Variants in C10orf67 observed in about 807,000 individuals in gnomAD.
C10orf67 encodes uncharacterized protein C10orf67, mitochondrial.
A neutral mutation model predicts 35.6 loss-of-function variants in C10orf67; 60 were observed. The ratio of observed to expected loss-of-function variants is 1.68; its 90% CI spans 1.37 to 2.09. The LOEUF is 2.09. C10orf67 is among the 30% of genes most tolerant of loss of function. The probability of loss-of-function intolerance (pLI) is 0.00; values close to 1 mark genes in which losing one functional copy is unlikely to be tolerated. For missense variants in C10orf67, 474 were observed against 330.2 expected, an observed-to-expected ratio of 1.44 and a Z score of -3.38; for synonymous variants, 167 against 115.8, an observed-to-expected ratio of 1.44 and a Z score of -2.84.
intron 15 of C10orf67, among the ~76,000 whole-genome samples, chr10:23,211,133 G>A (rs1841295263): frequency 6.6e-6 from 1 of 152,286 alleles, no homozygotes; most frequent in South Asian, 2.1e-4. Context: ...AAATCAAGGT[G>A]TCTGAAATTT....
At chr10:23,321,030 A>G (rs1421632314) in intron 3 of C10orf67, among the ~76,000 whole-genome samples, 2 of 152,252 alleles carry the variant, frequency 1.3e-5, no homozygotes, top group Non-Finnish European at 2.9e-5. Flanking sequence ...TCATATAGAT[A>G]AAATATATAC....
chr10:23,293,933 C>T (rs1295731090), intron 5 of C10orf67, among the ~76,000 whole-genome samples: 1 of 152,234 alleles, frequency 6.6e-6, no homozygotes, highest in East Asian at 1.9e-4. Context: ...CCCAGAGCTA[C>T]TGTGTCAGAG....
chr10:23,243,927 T>A (rs2132145728), intron 12 of C10orf67, among the ~76,000 whole-genome samples: 1 of 152,302 alleles, frequency 6.6e-6, no homozygotes, highest in South Asian at 2.1e-4. Context: ...GGTCCCACTC[T>A]GTCACCCAGG....
intron 8 of C10orf67, among the ~76,000 whole-genome samples, chr10:23,272,594 T>C (rs917432296): frequency 2.6e-5 from 4 of 152,214 alleles, no homozygotes; most frequent in Non-Finnish European, 5.9e-5. Context: ...CTACTATAGT[T>C]TTACAGCAAG....
In C10orf67 at chr10:23,256,933, A is replaced by G. The variant is rs919284458; in HGVS notation, c.1201-6242T>C. Reference sequence around the variant, plus strand: ...GTGGTTGATGCTGTGAAGAAGTGTTAGGTATCAAATCCCATTTATTTCTCC... The same window carrying G: ...GTGGTTGATGCTGTGAAGAAGTGTTGGGTATCAAATCCCATTTATTTCTCC... On this transcript the variant is annotated intron_variant, in intron 10 of 15. Coordinates refer to ENST00000636213, the MANE Select transcript of C10orf67 (RefSeq NM_001371909.1). Among the ~76,000 whole-genome samples the G allele has an allele frequency of 2.0e-5, 3 of 152,318 alleles. No homozygotes were observed. The East Asian group carries it at 5.8e-4, about 29-fold the overall frequency.
At chr10:23,285,388 T>C (rs1843500388) in intron 7 of C10orf67, among the ~76,000 whole-genome samples, 1 of 148,704 alleles carries the variant, frequency 6.7e-6, no homozygotes, top group Admixed American at 6.7e-5. Context: ...ATATTATATT[T>C]ATATATTATT....
intron 15 of C10orf67, among the ~76,000 whole-genome samples, chr10:23,220,891 C>T (rs759420572): frequency 2.0e-5 from 3 of 152,196 alleles, no homozygotes; most frequent in Admixed American, 6.5e-5. Flanking sequence ...TATGAGGATT[C>T]TGTAACAGAA....
At chr10:23,223,381 T>C (rs1329129643) in intron 15 of C10orf67, among the ~76,000 whole-genome samples, 2 of 152,166 alleles carry the variant, frequency 1.3e-5, no homozygotes, top group African/African-American at 4.8e-5. Context: ...GGGCCTGGCA[T>C]AGATTGATTT....
intron 10 of C10orf67, among the ~76,000 whole-genome samples, chr10:23,257,798 GT>G (rs144725163): frequency 0.19 from 26,806 of 144,806 alleles, 2,933 homozygotes; most frequent in Non-Finnish European, 0.26. Flanking sequence ...GTCAGACTCT[GT>G]TTTTTTTTTT....
chr10:23,229,681 A>C (rs1342928246), intron 13 of C10orf67, among the ~76,000 whole-genome samples: 1 of 152,178 alleles, frequency 6.6e-6, no homozygotes. Flanking sequence ...ACAGACTAAA[A>C]TTACATGTGG....
rs12221458 is a variant in C10orf67, at chr10:23,258,453, C to G, written c.1201-7762G>C. Reference sequence around the variant, plus strand: ...CAAAGTGGGGACAGACTAGGTTGTTCCAGTTCTGATCACTGGCAATTTGGT... The same window carrying G: ...CAAAGTGGGGACAGACTAGGTTGTTGCAGTTCTGATCACTGGCAATTTGGT... On this transcript the variant is annotated intron_variant, in intron 10 of 15. Transcript: ENST00000636213. The G allele has an allele frequency of 4.0e-4, 67 of 167,122 alleles. No individual in the cohort carries two copies. The East Asian group carries it at 9.1e-3, about 23-fold the overall frequency. The allele number at this position is 167,122 out of a possible 1,614,324, so 10.4% of individuals were successfully genotyped here. A position where few individuals can be genotyped will look rare whatever the true frequency, so the allele number is the denominator to read the frequency against.
intron 2 of C10orf67, among the ~76,000 whole-genome samples, chr10:23,328,993 C>CAAAAAAAAAAAAAAAAAAGAAAAGA: frequency 1.3e-5 from 1 of 78,732 alleles, no homozygotes; most frequent in African/African-American, 4.9e-5. Flanking sequence ...CATAAACGAA[C>CAAAAAAAAAAAAAAAAAAGAAAAGA]AAAAAAAAAA....
chr10:23,331,244 G>GAA (rs1165878193), intron 2 of C10orf67, among the ~76,000 whole-genome samples: 1 of 28,590 alleles, frequency 3.5e-5, no homozygotes, highest in Non-Finnish European at 5.7e-5. Flanking sequence ...GAAGGGAAGG[G>GAA]AAGGGAAGAG....
At chr10:23,275,112 C>T (rs900129972) in intron 8 of C10orf67, among the ~76,000 whole-genome samples, 1 of 152,126 alleles carries the variant, frequency 6.6e-6, no homozygotes, top group African/African-American at 2.4e-5. Context: ...TGGGAATTCT[C>T]TGAGGCTTAG....
At chr10:23,228,421 CTT>C (rs1452451625) in intron 13 of C10orf67, among the ~76,000 whole-genome samples, 1 of 152,140 alleles carries the variant, frequency 6.6e-6, no homozygotes, top group Admixed American at 6.6e-5. Context: ...CTTCCTTAAC[CTT>C]ATACAAAAAT....
chr10:23,241,503 G>C (rs893055895), intron 12 of C10orf67, among the ~76,000 whole-genome samples: 5 of 152,206 alleles, frequency 3.3e-5, no homozygotes, highest in Admixed American at 3.3e-4. Flanking sequence ...AAGGTTGACT[G>C]TAGTAGAGTG....
At chr10:23,223,706 C>T (rs746886002) in intron 14 of C10orf67, 38 bp downstream of exon 14, 27 of 716,790 alleles carry the variant, frequency 3.8e-5, no homozygotes, top group Non-Finnish European at 6.2e-5. Flanking sequence ...ATAATATTAA[C>T]TCAGTAAATA....
intron 8 of C10orf67, among the ~76,000 whole-genome samples, chr10:23,268,405 A>G (rs1336084109): frequency 6.6e-6 from 1 of 152,232 alleles, no homozygotes; most frequent in South Asian, 2.1e-4. Context: ...TGAATTTATG[A>G]GTAATGCCAG....
chr10:23,298,851 C>T (rs1843976572), intron 5 of C10orf67, among the ~76,000 whole-genome samples: 1 of 152,166 alleles, frequency 6.6e-6, no homozygotes. Context: ...AGTAAATCAT[C>T]CATGTACCGA....
Sources: gnomAD v4.1 joint callset for allele counts (sites outside exome capture counted in the v4.1 genomes callset) on GRCh38, gnomAD v4.1.1 for gene constraint, MANE v1.5 for transcripts, NCBI Gene and HGNC (gene_info 2026-07-23, HGNC 2026-07-21) for gene names.